The following LPXN variants were observed in gnomAD, a reference collection of about 807,000 sequenced individuals.
LPXN encodes leupaxin.
In LPXN, 28 loss-of-function variants were observed where a neutral mutation model predicts 45.6. The observed-to-expected ratio is 0.61, with a 90% CI of 0.45 to 0.84. The LOEUF (loss-of-function observed/expected upper bound fraction) is 0.84. Ranked by LOEUF, LPXN falls within the 40% of genes least tolerant of loss-of-function variation. The pLI is 0.00. For missense variants in LPXN, 459 were observed against 475.0 expected (o/e 0.97, Z 0.31); for synonymous variants, 166 against 169.9 (o/e 0.98, Z 0.18).
chr11:58,530,380 T>G (rs954415064), intron 7 of LPXN, among the ~76,000 whole-genome samples: 1 of 152,188 alleles, frequency 6.6e-6, no homozygotes, highest in Non-Finnish European at 1.5e-5. Flanking sequence ...CATCCACCAT[T>G]GCTGAGGCTT....
chr11:58,557,141 CTAA>C (rs1379251989), intron 3 of LPXN, among the ~76,000 whole-genome samples: 1 of 152,094 alleles, frequency 6.6e-6, no homozygotes, highest in Non-Finnish European at 1.5e-5. Context: ...ATGCAGGTTT[CTAA>C]AGGAATTAAA....
Position 58,549,815 on chromosome 11 carries a change from G to C in LPXN, c.713C>G (p.Ser238Cys). ...TGCACCAAACACCTCTCCGCAGTGA[G>C]AGCAGAAGAAGTGCTCTGGGTGCCA... ...QTWHPEHFFC[S>C]HCGEVFGAEG... Residue 238 changes from serine (S) to cysteine (C), a missense_variant, in exon 7 of 9, where the codon TCT becomes TGT. By Grantham distance (112) the Ser-to-Cys change is moderately radical (BLOSUM62 -1). Coordinates refer to ENST00000395074, the MANE Select transcript of LPXN (RefSeq NM_004811.3). 1 of 1,614,168 alleles carries C rather than the reference G, an allele frequency of 6.2e-7. No homozygotes were observed. Among genetic ancestry groups the C allele is most frequent in the Non-Finnish European group, 8.5e-7 (1 of 1,180,022 alleles).
At chr11:58,558,808 T>A (rs1162254588) in intron 3 of LPXN, among the ~76,000 whole-genome samples, 5 of 151,812 alleles carry the variant, frequency 3.3e-5, no homozygotes, top group African/African-American at 1.2e-4. Flanking sequence ...GATATCAATA[T>A]TTTTAAATGT....
At chr11:58,545,020 C>A (rs951867152) in intron 7 of LPXN, among the ~76,000 whole-genome samples, 7 of 152,114 alleles carry the variant, frequency 4.6e-5, no homozygotes, top group African/African-American at 1.7e-4. Context: ...TGGGGTGAGG[C>A]AGGATGACAC....
At chr11:58,575,956 A>G (rs1303742626), upstream of LPXN, 36 of 1,357,296 alleles carry the variant, frequency 2.7e-5, no homozygotes, top group Non-Finnish European at 3.4e-5. Flanking sequence ...TTTTTTTTTC[A>G]TAGGTTACAC....
At chr11:58,535,535 T>C (rs1257123259) in intron 7 of LPXN, among the ~76,000 whole-genome samples, 1 of 152,176 alleles carries the variant, frequency 6.6e-6, no homozygotes, top group Non-Finnish European at 1.5e-5. Context: ...TAATAAGAGC[T>C]ATCTATGACA....
At chr11:58,532,306 G>A (rs1188100660) in intron 7 of LPXN, among the ~76,000 whole-genome samples, 5 of 152,338 alleles carry the variant, frequency 3.3e-5, no homozygotes, top group Middle Eastern at 3.4e-3. Context: ...CCCATCGACC[G>A]CCCAAGGGCT....
rs1044914199 is a variant in LPXN, at chr11:58,527,107, T to C, written c.*347A>G. 9.0e-6 allele frequency: 2 copies of C among 222,294 alleles called. No homozygotes were observed. The highest frequency in any genetic ancestry group is 2.3e-5 in the African/African-American group (1 of 44,430). The allele number at this position is 222,294 out of a possible 1,614,324, so 13.8% of individuals were successfully genotyped here. On this transcript the variant is annotated 3_prime_UTR_variant, in exon 9 of 9. Transcript: ENST00000395074. ...GAGAAGATATGAGTAGGGCCATCAC[T>C]AGAGGTGAAAATGGAGAAACCTAAG...
At chr11:58,540,356 C>T (rs1222656793) in intron 7 of LPXN, among the ~76,000 whole-genome samples, 1 of 152,062 alleles carries the variant, frequency 6.6e-6, no homozygotes, top group Non-Finnish European at 1.5e-5. Flanking sequence ...TTGCTGAGAT[C>T]CTGATTCAAG....
chr11:58,562,402 A>C (rs1284808507), intron 3 of LPXN, among the ~76,000 whole-genome samples: 2 of 152,184 alleles, frequency 1.3e-5, no homozygotes, highest in African/African-American at 4.8e-5. Context: ...GCTCAGAGTG[A>C]TACTAGTCTC....
At position 58,570,674 on chromosome 11, in the gene LPXN, T is replaced by C; in HGVS notation, c.53A>G (p.Asp18Gly). The C allele has an allele frequency of 6.2e-7, 1 of 1,613,360 alleles. No homozygotes were observed. The highest frequency in any genetic ancestry group is 8.5e-7 in the Non-Finnish European group (1 of 1,179,520). The change falls in exon 2 of 9, where the codon GAC becomes GGC. Residue 18 changes from aspartate to glycine, a missense_variant. Asp to Gly is a moderately conservative substitution (Grantham distance 94). Transcript: ENST00000395074. ...LEELERSTLQDSDEYSNPAPL... is the reference protein window; with the variant it reads ...LEELERSTLQGSDEYSNPAPL... Reference sequence around the variant, plus strand: ...AGCTGGGTTGGAATATTCATCACTGTCCTGAAGGGTGGAGCGTTCCAGTTC... The same window carrying C: ...AGCTGGGTTGGAATATTCATCACTGCCCTGAAGGGTGGAGCGTTCCAGTTC...
chr11:58,559,228 C>G (rs1854299997), intron 3 of LPXN, among the ~76,000 whole-genome samples: 1 of 151,940 alleles, frequency 6.6e-6, no homozygotes. Context: ...TATACACATA[C>G]ACATTTATAT....
At position 58,569,284 on chromosome 11, in the gene LPXN, G is replaced by A. The variant is rs562644275; in HGVS notation, c.171+1272C>T. Reference sequence around the variant, plus strand: ...AAGCAACCTTTTAATTATAATGTACGTCCATATAGACTTATCCATAGGAAG... The same window carrying A: ...AAGCAACCTTTTAATTATAATGTACATCCATATAGACTTATCCATAGGAAG... On this transcript the variant is annotated intron_variant, in intron 2 of 8. Coordinates refer to ENST00000395074, the MANE Select transcript of LPXN (RefSeq NM_004811.3). Among the ~76,000 whole-genome samples, 138 of 152,132 alleles carry A rather than the reference G, an allele frequency of 9.1e-4. 1 individual carries two copies. The highest frequency in any genetic ancestry group is 3.3e-3 in the African/African-American group (136 of 41,498).
At chr11:58,561,022 G>A (rs1055378247) in intron 3 of LPXN, among the ~76,000 whole-genome samples, 1 of 152,064 alleles carries the variant, frequency 6.6e-6, no homozygotes, top group African/African-American at 2.4e-5. Context: ...GGGCCAAAAG[G>A]TATAAAAAGG....
At chr11:58,537,092 AG>A (rs138278630) in intron 7 of LPXN, among the ~76,000 whole-genome samples, 60,554 of 152,052 alleles carry the variant, frequency 0.4, 12,162 homozygotes, top group Middle Eastern at 0.53. Flanking sequence ...CCATTGTGGA[AG>A]ACTATGTGGT....
chr11:58,556,704 T>C (rs1854214299), intron 3 of LPXN, among the ~76,000 whole-genome samples: 1 of 152,128 alleles, frequency 6.6e-6, no homozygotes, highest in South Asian at 2.1e-4. Flanking sequence ...ACAGTCTCTT[T>C]CTTATTGATC....
At chr11:58,562,461 A>G (rs1854406789) in intron 3 of LPXN, among the ~76,000 whole-genome samples, 1 of 152,150 alleles carries the variant, frequency 6.6e-6, no homozygotes, top group Non-Finnish European at 1.5e-5. Context: ...CCTGGATTTT[A>G]TGTCACTCTC....
chr11:58,533,616 GTTC>G (rs1463006807), intron 7 of LPXN, among the ~76,000 whole-genome samples: 1 of 152,098 alleles, frequency 6.6e-6, no homozygotes, highest in Non-Finnish European at 1.5e-5. Flanking sequence ...GTTCATAACA[GTTC>G]TTCAAAATAA....
At chr11:58,529,479 G>A (rs928320482) in intron 7 of LPXN, among the ~76,000 whole-genome samples, 20 of 151,812 alleles carry the variant, frequency 1.3e-4, no homozygotes, top group African/African-American at 7.2e-5. Flanking sequence ...GTGTGGTGGC[G>A]AGCGCCTGTA....
Sources: allele counts gnomAD v4.1 joint callset (sites outside exome capture counted in the v4.1 genomes callset), GRCh38; gene constraint gnomAD v4.1.1; transcripts MANE v1.5; gene names NCBI Gene and HGNC (gene_info 2026-07-23, HGNC 2026-07-21).